The following TTC3 variants were observed in gnomAD, a reference collection of about 807,000 sequenced individuals.
TTC3 encodes tetratricopeptide repeat domain 3.
Under a neutral mutation model 249.6 loss-of-function variants are expected in TTC3, and 180 were observed. That is an observed-to-expected ratio of 0.72 (90% confidence interval 0.64 to 0.82). The LOEUF is 0.82. Ranked by LOEUF, TTC3 falls within the 40% of genes least tolerant of loss-of-function variation. The probability of loss-of-function intolerance (pLI) is 0.00; values close to 1 mark genes in which losing one functional copy is unlikely to be tolerated. For missense variants in TTC3, 2,061 were observed against 2,398.4 expected, an observed-to-expected ratio of 0.86 and a Z score of 2.94; for synonymous variants, 717 against 805.0, an observed-to-expected ratio of 0.89 and a Z score of 1.85.
rs57682889 is a variant in TTC3, at chr21:37,095,137, A to ATGTGTGTGTGTGTGTGTGTGTGTGTGTG, written c.688-186_688-185insGTGTGTGTGTGTGTGTGTGTGTGTGTGT. 7.5e-5 allele frequency among the ~76,000 whole-genome samples: 11 copies of ATGTGTGTGTGTGTGTGTGTGTGTGTGTG among 147,596 alleles called. No individual in the cohort carries two copies. The South Asian group carries it at 2.0e-3, about 27-fold the overall frequency. On this transcript the variant is annotated intron_variant, in intron 8 of 45. Coordinates refer to ENST00000355666, the Ensembl canonical transcript of TTC3. ...GGTGACAGACCCTGTCTCTAAAAAT[A>ATGTGTGTGTGTGTGTGTGTGTGTGTGTG]TGTGTGTGTGTGTGTGTGTGTGTGT...
chr21:37,083,517 AT>A, intron 1 of TTC3: 1 of 565,852 alleles, frequency 1.8e-6, no homozygotes, highest in Non-Finnish European at 2.2e-6. Flanking sequence ...ATGTGTGCTA[AT>A]TTTAGATTTC....
At chr21:37,125,229 G>C (rs1190525188) in intron 14 of TTC3, among the ~76,000 whole-genome samples, 1 of 152,134 alleles carries the variant, frequency 6.6e-6, no homozygotes, top group African/African-American at 2.4e-5. Flanking sequence ...CACCCTTTTT[G>C]AGGTCTTGAA....
intron 1 of TTC3, among the ~76,000 whole-genome samples, chr21:37,077,924 G>A (rs2071125441): frequency 6.6e-6 from 1 of 151,930 alleles, no homozygotes; most frequent in Admixed American, 6.6e-5. Flanking sequence ...TCTTGCCCTG[G>A]GCTTATAAAG....
chr21:37,152,094 T>G (rs2079522509), intron 26 of TTC3, 65 bp downstream of exon 26: 17 of 1,428,702 alleles, frequency 1.2e-5, no homozygotes, highest in Non-Finnish European at 1.1e-5. Flanking sequence ...AATGTAAGCA[T>G]CTTTTGGGCC....
At chr21:37,090,461 TTC>T (rs1568878314) in intron 6 of TTC3, 175 bp downstream of exon 6, 1 of 652,006 alleles carries the variant, frequency 1.5e-6, no homozygotes, top group Non-Finnish European at 1.9e-6. Context: ...TTGGATCATT[TTC>T]TCTCTTTTTT....
intron 34 of TTC3, 135 bp downstream of exon 34, chr21:37,167,755 C>CA: frequency 2.0e-6 from 1 of 493,916 alleles, no homozygotes; most frequent in Non-Finnish European, 3.3e-6. Context: ...GAGAACATAA[C>CA]AAAAAAATGA....
At chr21:37,165,616 A>C (rs1163319969) in exon 33 of TTC3, 2 of 1,614,148 alleles carry the variant, frequency 1.2e-6, no homozygotes, top group Non-Finnish European at 1.7e-6. Context: ...TCTCTGCAGA[A>C]TATGAGTTTT....
chr21:37,079,531 T>G (rs904907426), intron 1 of TTC3, among the ~76,000 whole-genome samples: 23 of 140,846 alleles, frequency 1.6e-4, no homozygotes, highest in Non-Finnish European at 2.8e-4. Flanking sequence ...TTTTTTTTTT[T>G]TTTTTTTTTT....
chr21:37,155,352 C>T (rs1787362), intron 27 of TTC3, among the ~76,000 whole-genome samples: 152,302 of 152,302 alleles, frequency 1, 76,151 homozygotes, highest in Non-Finnish European at 1. Context: ...AATTTAACAT[C>T]CCAATAGTGA....
Position 37,191,389 on chromosome 21 carries a change from C to A in TTC3, c.5080C>A (p.Leu1694Ile), listed in dbSNP as rs139272991. 1.9e-6 allele frequency: 3 copies of A among 1,586,584 alleles called. No homozygotes were observed. In the African/African-American group the frequency reaches 4.1e-5, roughly 22 times the overall value. Residue 1694 changes from leucine to isoleucine, a missense_variant, in exon 40 of 46, where the codon CTT (leucine) becomes ATT (isoleucine). Physicochemically the swap from Leu to Ile is conservative, Grantham distance 5. This residue lies in a region of TTC3 where 1,040 missense variants were observed against 1,186.1 expected (regional missense o/e 0.88). Coordinates refer to ENST00000355666, the Ensembl canonical transcript of TTC3. ...TGATATACGTTCATGGGAATTGTTT[C>A]TTTCTAATGTTACAAAAGAAATTGA...
At chr21:37,161,307 C>T (rs1022290954) in intron 30 of TTC3, among the ~76,000 whole-genome samples, 1 of 152,054 alleles carries the variant, frequency 6.6e-6, no homozygotes, top group Non-Finnish European at 1.5e-5. Flanking sequence ...ACAGGGTCTC[C>T]TTCTCTCACC....
chr21:37,180,919 G>A (rs2082704418), intron 35 of TTC3, among the ~76,000 whole-genome samples: 1 of 151,814 alleles, frequency 6.6e-6, no homozygotes, highest in Non-Finnish European at 1.5e-5. Context: ...CAACACTGAG[G>A]TTTAATAAAA....
chr21:37,127,977 A>G (rs2147899355), intron 15 of TTC3, among the ~76,000 whole-genome samples: 1 of 152,308 alleles, frequency 6.6e-6, no homozygotes, highest in African/African-American at 2.4e-5. Flanking sequence ...TTCTCAGGCC[A>G]TTACTATCAT....
At chr21:37,108,558 T>C (rs1480192046) in intron 11 of TTC3, 112 bp downstream of exon 11, 6 of 1,037,416 alleles carry the variant, frequency 5.8e-6, no homozygotes, top group Non-Finnish European at 8.4e-6. Context: ...TACGTAGAGC[T>C]CCAGAATGTG....
At chr21:37,097,415 A>G (rs1007735804) in intron 10 of TTC3, among the ~76,000 whole-genome samples, 2 of 152,208 alleles carry the variant, frequency 1.3e-5, no homozygotes, top group Admixed American at 6.5e-5. Flanking sequence ...GTAGAAGAAT[A>G]TTCAAAATAA....
intron 34 of TTC3, among the ~76,000 whole-genome samples, chr21:37,169,784 G>A (rs1050367118): frequency 4.0e-5 from 6 of 151,742 alleles, no homozygotes; most frequent in African/African-American, 1.4e-4. Flanking sequence ...GGAGGCACAG[G>A]TTGCAGTGAG....
At chr21:37,197,778 C>G in intron 43 of TTC3, 82 bp downstream of exon 43, 2 of 1,504,034 alleles carry the variant, frequency 1.3e-6, no homozygotes. Flanking sequence ...AGCTTCAAAC[C>G]AAAACCTAGA....
At chr21:37,197,067 A>G (rs574848609) in intron 42 of TTC3, among the ~76,000 whole-genome samples, 1 of 152,366 alleles carries the variant, frequency 6.6e-6, no homozygotes, top group Non-Finnish European at 1.5e-5. Context: ...AAAGGACTCT[A>G]TGCTCAGGAA....
intron 41 of TTC3, among the ~76,000 whole-genome samples, chr21:37,193,452 G>C (rs530420336): frequency 6.6e-6 from 1 of 151,700 alleles, no homozygotes; most frequent in African/African-American, 2.4e-5. Flanking sequence ...TCTCTCCATT[G>C]AATGTGCAGT....
Sources: gnomAD v4.1 joint callset for allele counts (sites outside exome capture counted in the v4.1 genomes callset) on GRCh38, gnomAD v4.1.1 for gene constraint, gnomAD v4.1.1 regional missense constraint, MANE v1.5 for transcripts, NCBI Gene and HGNC (gene_info 2026-07-23, HGNC 2026-07-21) for gene names.